SHISA9: variants seen among roughly 807,000 people sequenced by gnomAD.
SHISA9 encodes protein shisa-9.
A neutral mutation model predicts 38.0 loss-of-function variants in SHISA9; 13 were observed. The observed-to-expected ratio is 0.34, with a 90% CI of 0.22 to 0.54. The LOEUF (loss-of-function observed/expected upper bound fraction) is 0.54. SHISA9 is among the 20% of genes least tolerant of loss of function. The pLI, the probability that SHISA9 is intolerant of heterozygous loss-of-function variation, is 0.91. For synonymous variants in SHISA9, 275 were observed against 242.0 expected (o/e 1.14, Z -1.27); for missense variants, 538 against 575.8 (o/e 0.93, Z 0.67).
intron 2 of SHISA9, among the ~76,000 whole-genome samples, chr16:13,156,725 CTCCGTCTCA>C (rs2050550821): frequency 9.2e-6 from 1 of 108,196 alleles, no homozygotes; most frequent in East Asian, 2.8e-4. Flanking sequence ...CAGAGTGAGA[CTCCGTCTCA>C]AAAAAAAAAA....
intron 2 of SHISA9, among the ~76,000 whole-genome samples, chr16:12,975,098 A>T (rs17239162): frequency 0.3 from 46,109 of 152,014 alleles, 8,373 homozygotes; most frequent in Middle Eastern, 0.46. Flanking sequence ...TTATCTGAGC[A>T]ACATTCCCTG....
At position 13,212,000 on chromosome 16, in the gene SHISA9, A is replaced by G. The variant is rs547046840; in HGVS notation, c.848-1253A>G. On this transcript the variant is annotated intron_variant, in intron 3 of 4. Transcript: ENST00000558583. ...CACTCTTCTCTCTTCTGTTGCTCCA[A>G]TTGTCCCTCTTGTGAGTGATGAGGG... Among the ~76,000 whole-genome samples the G allele has an allele frequency of 9.9e-4, 151 of 152,090 alleles. 1 individual carries two copies. The highest frequency in any genetic ancestry group is 3.4e-3 in the African/African-American group (141 of 41,478).
At chr16:13,087,147 C>CATTTTTTTTTTTTTTTTTTTTTTTTTTTT in intron 2 of SHISA9, among the ~76,000 whole-genome samples, 1 of 81,626 alleles carries the variant, frequency 1.2e-5, no homozygotes, top group Non-Finnish European at 2.3e-5. Flanking sequence ...ATGAACTCGT[C>CATTTTTTTTTTTTTTTTTTTTTTTTTTTT]TTTTTTTTTT....
chr16:13,273,732 T>C, the SHISA9 span, among the ~76,000 whole-genome samples: 1 of 152,092 alleles, frequency 6.6e-6, no homozygotes, highest in Admixed American at 6.6e-5. Context: ...ATTATGAAAA[T>C]TCAACAAGAG....
At chr16:13,169,007 A>T (rs886295302) in intron 2 of SHISA9, among the ~76,000 whole-genome samples, 1 of 152,212 alleles carries the variant, frequency 6.6e-6, no homozygotes, top group Non-Finnish European at 1.5e-5. Flanking sequence ...AGTGGAACCT[A>T]TTGAGGCATG....
At chr16:13,448,198 G>A in the SHISA9 span, among the ~76,000 whole-genome samples, 1 of 152,178 alleles carries the variant, frequency 6.6e-6, no homozygotes, top group Non-Finnish European at 1.5e-5. Flanking sequence ...TCATTGGAGT[G>A]CTTTCCCTGG....
the SHISA9 span, among the ~76,000 whole-genome samples, chr16:13,483,313 G>C: frequency 3.9e-5 from 6 of 152,182 alleles, no homozygotes; most frequent in Non-Finnish European, 7.3e-5. Context: ...ATGACTCAGA[G>C]ATACTGGCAT....
intron 2 of SHISA9, among the ~76,000 whole-genome samples, chr16:13,160,752 T>C (rs1225998120): frequency 6.6e-6 from 1 of 152,186 alleles, no homozygotes; most frequent in African/African-American, 2.4e-5. Flanking sequence ...ACAACCTCCT[T>C]GTCAAATGCT....
At chr16:13,071,913 T>TG (rs1206901536) in intron 2 of SHISA9, among the ~76,000 whole-genome samples, 7 of 152,230 alleles carry the variant, frequency 4.6e-5, no homozygotes, top group African/African-American at 1.7e-4. Flanking sequence ...CCCAAAGTGC[T>TG]GGAATTATAG....
intron 2 of SHISA9, among the ~76,000 whole-genome samples, chr16:12,926,449 C>T (rs900420201): frequency 4.6e-5 from 7 of 152,000 alleles, no homozygotes; most frequent in South Asian, 2.1e-4. Context: ...ATCAACATTC[C>T]GCTGATATTT....
chr16:13,146,979 A>T (rs1285776247), intron 2 of SHISA9, among the ~76,000 whole-genome samples: 1 of 152,216 alleles, frequency 6.6e-6, no homozygotes, highest in Non-Finnish European at 1.5e-5. Flanking sequence ...ATCCACTGGA[A>T]TCTATCAATT....
intron 2 of SHISA9, among the ~76,000 whole-genome samples, chr16:13,121,574 T>C: frequency 6.6e-6 from 1 of 152,110 alleles, no homozygotes; most frequent in East Asian, 1.9e-4. Flanking sequence ...AATATAAACA[T>C]TAAAATATTA....
chr16:13,413,744 G>A, the SHISA9 span, among the ~76,000 whole-genome samples: 208 of 110,476 alleles, frequency 1.9e-3, 3 homozygotes, highest in African/African-American at 7.1e-3. Context: ...GGTGACAGAG[G>A]AAGACTTCAT....
At chr16:12,929,952 T>C (rs2071442044) in intron 2 of SHISA9, among the ~76,000 whole-genome samples, 1 of 152,220 alleles carries the variant, frequency 6.6e-6, no homozygotes, top group Admixed American at 6.5e-5. Flanking sequence ...TAAACTGTTA[T>C]CTTTTTGGGG....
chr16:13,016,319 C>T (rs1251206182), intron 2 of SHISA9, among the ~76,000 whole-genome samples: 2 of 152,074 alleles, frequency 1.3e-5, no homozygotes, highest in Non-Finnish European at 1.5e-5. Flanking sequence ...CTTCAACATC[C>T]CTGATGCTTT....
chr16:13,206,333 TC>T (rs1213896649), intron 3 of SHISA9, among the ~76,000 whole-genome samples: 1 of 152,058 alleles, frequency 6.6e-6, no homozygotes, highest in African/African-American at 2.4e-5. Flanking sequence ...TCCTATTTTC[TC>T]CCCCCACTGC....
intron 1 of SHISA9, chr16:12,909,865 T>TCCTTCCTC (rs2071157799): frequency 6.6e-6 from 1 of 152,216 alleles, no homozygotes; most frequent in African/African-American, 2.4e-5. Flanking sequence ...CTTCCTTCCT[T>TCCTTCCTC]CCTTCCTTCG....
chr16:13,397,867 G>C, the SHISA9 span, among the ~76,000 whole-genome samples: 1 of 152,346 alleles, frequency 6.6e-6, no homozygotes, highest in African/African-American at 2.4e-5. Flanking sequence ...GGAAGAATGG[G>C]AGGACATATA....
chr16:13,453,155 T>C, the SHISA9 span, among the ~76,000 whole-genome samples: 2 of 152,130 alleles, frequency 1.3e-5, no homozygotes, highest in Non-Finnish European at 2.9e-5. Context: ...CCCAAAGTGC[T>C]GGGATTACAG....
Sources: gnomAD v4.1 joint callset for allele counts (sites outside exome capture counted in the v4.1 genomes callset) on GRCh38, gnomAD v4.1.1 for gene constraint, MANE v1.5 for transcripts, NCBI Gene and HGNC (gene_info 2026-07-23, HGNC 2026-07-21) for gene names.